FAT4: variants seen among roughly 807,000 people sequenced by gnomAD.
FAT4 encodes FAT atypical cadherin 4.
A neutral mutation model predicts 303.9 loss-of-function variants in FAT4; 84 were observed. The observed-to-expected ratio is 0.28, with a 90% CI of 0.23 to 0.33. The LOEUF (loss-of-function observed/expected upper bound fraction) is 0.33. FAT4 is among the 10% of genes least tolerant of loss of function. The probability of loss-of-function intolerance (pLI) is 1.00; values close to 1 mark genes in which losing one functional copy is unlikely to be tolerated. For synonymous variants in FAT4, 2,307 were observed against 2,298.8 expected (o/e 1.00, Z -0.10); for missense variants, 6,005 against 6,146.8 (o/e 0.98, Z 0.77).
intron 2 of FAT4, among the ~76,000 whole-genome samples, chr4:125,376,666 G>A (rs1733336821): frequency 6.6e-6 from 1 of 152,134 alleles, no homozygotes; most frequent in African/African-American, 2.4e-5. Flanking sequence ...TTGGGAGGCT[G>A]AGATAGGCGG....
chr4:125,382,885 T>G (rs1032502096), intron 2 of FAT4, among the ~76,000 whole-genome samples: 1 of 152,234 alleles, frequency 6.6e-6, no homozygotes, highest in Non-Finnish European at 1.5e-5. Context: ...CTTGTGCTTT[T>G]ATGTTATGGA....
intron 7 of FAT4, among the ~76,000 whole-genome samples, chr4:125,427,490 C>A (rs2126038104): frequency 6.6e-6 from 1 of 152,060 alleles, no homozygotes; most frequent in African/African-American, 2.4e-5. Context: ...AGCAGCAATA[C>A]ATTATTTTAT....
chr4:125,449,314 A>G lies in FAT4; in HGVS notation c.8304A>G (p.Glu2768=). 2 of 1,613,936 alleles carry G rather than the reference A, an allele frequency of 1.2e-6. No individual in the cohort carries two copies. The highest frequency in any genetic ancestry group is 1.7e-6 in the Non-Finnish European group (2 of 1,179,932). The change falls in exon 10 of 18, where the codon GAA becomes GAG. Residue 2768 remains glutamate (E), a synonymous_variant. Transcript: ENST00000394329. Reference sequence around the variant, plus strand: ...AAGTCATGATTAACATTTTAGATGAAAATGATAATGCCCCTAGGTTTTCTC... The same window carrying G: ...AAGTCATGATTAACATTTTAGATGAGAATGATAATGCCCCTAGGTTTTCTC... ...SVKVMINILD[E]NDNAPRFSQI...
In FAT4 at chr4:125,490,413, G is replaced by C. The variant is rs999854092; in HGVS notation, c.13597G>C (p.Gly4533Arg). 1 of 1,614,098 alleles carries C rather than the reference G, an allele frequency of 6.2e-7. No individual in the cohort carries two copies. The highest frequency in any genetic ancestry group is 2.2e-5 in the East Asian group (1 of 44,838). Residue 4533 changes from glycine (G) to arginine (R), a missense_variant, in exon 18 of 18, where the codon GGG (glycine) becomes CGG (arginine). Gly to Arg is a moderately radical substitution (Grantham distance 125, BLOSUM62 -2). Coordinates refer to ENST00000394329, the MANE Select transcript of FAT4 (RefSeq NM_001291303.3). ...LSLILCNQCR[G>R]KKAKNPKEEK... The stretch of plus-strand genomic sequence containing the variant: ...CCTGATCCTGTGTAACCAGTGCAGG[G>C]GGAAGAAGGCCAAAAATCCCAAAGA...
At position 125,459,285 on chromosome 4, in the gene FAT4, A is replaced by AT. The variant is rs138919557; in HGVS notation, c.11801-4277dup. ...CTATTTCACATAATCCAACATTAAA[A>AT]TGTGCTTGGACAAGTGAAACTTGAA... On this transcript the variant is annotated intron_variant, in intron 10 of 17. Coordinates refer to ENST00000394329, the MANE Select transcript of FAT4 (RefSeq NM_001291303.3). 1.6e-3 allele frequency among the ~76,000 whole-genome samples: 240 copies of AT among 152,172 alleles called. 1 individual carries two copies. Among genetic ancestry groups the AT allele is most frequent in the African/African-American group, 5.2e-3 (215 of 41,580 alleles).
At chr4:125,329,135 A>G (rs947484468) in intron 2 of FAT4, among the ~76,000 whole-genome samples, 2 of 152,164 alleles carry the variant, frequency 1.3e-5, no homozygotes, top group Non-Finnish European at 2.9e-5. Flanking sequence ...AGGCAGGAAT[A>G]TATTTCCATT....
At chr4:125,419,479 A>G (rs1735201124) in intron 7 of FAT4, among the ~76,000 whole-genome samples, 1 of 152,194 alleles carries the variant, frequency 6.6e-6, no homozygotes, top group African/African-American at 2.4e-5. Flanking sequence ...CTGGGGTAGT[A>G]TGATAGCTTG....
At chr4:125,430,215 G>A (rs904262372) in intron 7 of FAT4, among the ~76,000 whole-genome samples, 7 of 151,054 alleles carry the variant, frequency 4.6e-5, no homozygotes, top group South Asian at 2.1e-4. Context: ...AAAACACAGC[G>A]TCTTCATTCA....
intron 2 of FAT4, among the ~76,000 whole-genome samples, chr4:125,390,211 C>T (rs557205360): frequency 1.1e-4 from 16 of 151,828 alleles, no homozygotes; most frequent in African/African-American, 2.2e-4. Flanking sequence ...TTCCTAATTA[C>T]GAAATTTAAC....
At chr4:125,468,450 C>A in intron 11 of FAT4, 62 bp from the exon 12 acceptor site, 4 of 1,154,348 alleles carry the variant, frequency 3.5e-6, no homozygotes, top group South Asian at 2.9e-5. Flanking sequence ...ATATTTTAAT[C>A]AAAATATATA....
intron 2 of FAT4, among the ~76,000 whole-genome samples, chr4:125,380,202 A>C (rs1361772725): frequency 6.6e-6 from 1 of 152,122 alleles, no homozygotes; most frequent in Non-Finnish European, 1.5e-5. Context: ...GTTCACTCTT[A>C]GGGAATTTAG....
chr4:125,479,847 G>A lies in FAT4; in HGVS notation c.12586G>A (p.Gly4196Arg), dbSNP rs760234760. The A allele has an allele frequency of 6.3e-7, 1 of 1,592,518 alleles. No homozygotes were observed. Among genetic ancestry groups the A allele is most frequent in the Admixed American group, 1.7e-5 (1 of 59,640 alleles). ...GTGTCATTGCAAAGAGGGACTCACT[G>A]GGAAATACTGTGAAAAATGTATGTA... Reference protein sequence around the residue: ...QQCHCKEGLTGKYCEKSVTPD... With the variant: ...QQCHCKEGLTRKYCEKSVTPD... The change falls in exon 15 of 18, where the codon GGG becomes AGG. Residue 4196 changes from glycine to arginine, a missense_variant. By Grantham distance (125) the Gly-to-Arg change is moderately radical. Transcript: ENST00000394329.
intron 2 of FAT4, among the ~76,000 whole-genome samples, chr4:125,325,216 C>A (rs1012796505): frequency 1.3e-5 from 2 of 152,092 alleles, no homozygotes; most frequent in Admixed American, 6.6e-5. Flanking sequence ...CATAAAAATA[C>A]ATTTATCTCG....
intron 2 of FAT4, among the ~76,000 whole-genome samples, chr4:125,374,425 T>G (rs899184938): frequency 6.6e-6 from 1 of 152,174 alleles, no homozygotes; most frequent in African/African-American, 2.4e-5. Flanking sequence ...TTATATTCTT[T>G]GGAAAAAACT....
At chr4:125,402,665 T>C (rs1198763556) in intron 3 of FAT4, among the ~76,000 whole-genome samples, 1 of 151,958 alleles carries the variant, frequency 6.6e-6, no homozygotes, top group Non-Finnish European at 1.5e-5. Context: ...AATCATCTCC[T>C]TATATGTTTG....
chr4:125,401,402 A>T (rs1734382179), intron 3 of FAT4, among the ~76,000 whole-genome samples: 1 of 151,880 alleles, frequency 6.6e-6, no homozygotes, highest in African/African-American at 2.4e-5. Context: ...ATTTTGGGGA[A>T]AATATTTTAA....
intron 11 of FAT4, among the ~76,000 whole-genome samples, chr4:125,466,813 C>T (rs1188651202): frequency 6.2e-5 from 9 of 145,640 alleles, no homozygotes; most frequent in Admixed American, 2.1e-4. Flanking sequence ...CTCGCTCTGT[C>T]GCCCAGGCTG....
intron 3 of FAT4, among the ~76,000 whole-genome samples, chr4:125,400,667 G>GT (rs1734351649): frequency 6.7e-6 from 1 of 150,334 alleles, no homozygotes; most frequent in South Asian, 2.1e-4. Context: ...ACCAACACTG[G>GT]TTTTTGTGAA....
intron 3 of FAT4, 47 bp downstream of exon 3, chr4:125,398,962 A>G (rs780569198): frequency 1.9e-6 from 3 of 1,591,280 alleles, no homozygotes; most frequent in African/African-American, 1.3e-5. Context: ...TAGTGCAGTG[A>G]TTTATCAAAT....
Sources: gnomAD v4.1 joint callset for allele counts (sites outside exome capture counted in the v4.1 genomes callset) on GRCh38, gnomAD v4.1.1 for gene constraint, MANE v1.5 for transcripts, NCBI Gene and HGNC (gene_info 2026-07-23, HGNC 2026-07-21) for gene names.